Variants in ANKS1B observed in about 807,000 individuals in gnomAD.
ANKS1B encodes ankyrin repeat and sterile alpha motif domain-containing protein 1B.
ANKS1B carries 36 observed loss-of-function variants against 148.3 expected under a neutral mutation model. That is an observed-to-expected ratio of 0.24 (90% confidence interval 0.19 to 0.32). The LOEUF (loss-of-function observed/expected upper bound fraction) is 0.32. ANKS1B is among the 10% of genes least tolerant of loss of function. The pLI is 1.00. For synonymous variants in ANKS1B, 542 were observed against 560.8 expected (o/e 0.97, Z 0.47); for missense variants, 1,157 against 1,542.6 (o/e 0.75, Z 4.19).
chr12:98,919,752 C>T (rs1416232554), intron 17 of ANKS1B, among the ~76,000 whole-genome samples: 1 of 152,166 alleles, frequency 6.6e-6, no homozygotes, highest in Non-Finnish European at 1.5e-5. Context: ...CATAGGGTCC[C>T]TTTCCAAGTG....
intron 8 of ANKS1B, among the ~76,000 whole-genome samples, chr12:99,691,508 A>T (rs2098679183): frequency 6.6e-6 from 1 of 152,206 alleles, no homozygotes; most frequent in Admixed American, 6.5e-5. Flanking sequence ...AAAGTTCCAC[A>T]GATCTCTAGG....
chr12:99,913,651 G>A (rs915588882), intron 1 of ANKS1B, among the ~76,000 whole-genome samples: 7 of 152,150 alleles, frequency 4.6e-5, no homozygotes, highest in Admixed American at 6.5e-5. Flanking sequence ...ATAAAGGCCA[G>A]TCATCATCTT....
At chr12:99,932,954 G>T (rs997335837) in intron 1 of ANKS1B, among the ~76,000 whole-genome samples, 1 of 152,142 alleles carries the variant, frequency 6.6e-6, no homozygotes, top group Admixed American at 6.6e-5. Flanking sequence ...GCAAGAGATA[G>T]GGGTCCAGTT....
chr12:99,843,387 T>A (rs2153699301), intron 1 of ANKS1B, among the ~76,000 whole-genome samples: 1 of 152,170 alleles, frequency 6.6e-6, no homozygotes, highest in South Asian at 2.1e-4. Context: ...TTAGCTATTC[T>A]TCTTGATGCT....
intron 12 of ANKS1B, among the ~76,000 whole-genome samples, chr12:99,299,716 C>T (rs1214710898): frequency 6.6e-6 from 1 of 152,158 alleles, no homozygotes; most frequent in African/African-American, 2.4e-5. Flanking sequence ...TATCTATATG[C>T]ATACCCATAT....
At chr12:99,884,408 C>T (rs1248231601) in intron 1 of ANKS1B, among the ~76,000 whole-genome samples, 1 of 152,086 alleles carries the variant, frequency 6.6e-6, no homozygotes, top group Non-Finnish European at 1.5e-5. Flanking sequence ...TAGTTATTTG[C>T]CTAAAAGGAA....
chr12:99,541,386 T>C (rs931527124), intron 9 of ANKS1B, among the ~76,000 whole-genome samples: 1 of 152,156 alleles, frequency 6.6e-6, no homozygotes, highest in Admixed American at 6.6e-5. Context: ...TTCCACAAAA[T>C]GCTGGCAAAC....
At chr12:99,825,956 G>A (rs2083131038) in intron 1 of ANKS1B, among the ~76,000 whole-genome samples, 1 of 152,082 alleles carries the variant, frequency 6.6e-6, no homozygotes, top group Non-Finnish European at 1.5e-5. Context: ...CAATTTTGCA[G>A]TCATCATTGA....
intron 14 of ANKS1B, among the ~76,000 whole-genome samples, chr12:99,193,405 A>C (rs974267853): frequency 6.0e-5 from 9 of 150,984 alleles, no homozygotes; most frequent in Non-Finnish European, 1.3e-4. Flanking sequence ...GGTCCTGGTA[A>C]GTTCCTTCCA....
At chr12:99,861,574 G>T (rs960201861) in intron 1 of ANKS1B, among the ~76,000 whole-genome samples, 4 of 151,836 alleles carry the variant, frequency 2.6e-5, no homozygotes, top group Non-Finnish European at 5.9e-5. Context: ...GATTATATTT[G>T]GGAAAAGCTA....
At chr12:99,740,878 A>G (rs1472881372) in intron 8 of ANKS1B, among the ~76,000 whole-genome samples, 1 of 152,028 alleles carries the variant, frequency 6.6e-6, no homozygotes, top group African/African-American at 2.4e-5. Context: ...CAGATACTAC[A>G]CTTTTCCCAC....
chr12:99,418,171 C>T (rs10745854), intron 11 of ANKS1B, among the ~76,000 whole-genome samples: 63,836 of 151,908 alleles, frequency 0.42, 13,886 homozygotes, highest in African/African-American at 0.53. Context: ...TACAGAATCA[C>T]ATTCAGAATA....
intron 1 of ANKS1B, among the ~76,000 whole-genome samples, chr12:99,919,747 T>C (rs1370078388): frequency 1.5e-5 from 2 of 137,052 alleles, no homozygotes; most frequent in Non-Finnish European, 1.5e-5. Context: ...ACTTGAAATA[T>C]AGCTAGCCCA....
At chr12:99,178,994 A>G (rs1233556246) in intron 14 of ANKS1B, among the ~76,000 whole-genome samples, 2 of 152,348 alleles carry the variant, frequency 1.3e-5, no homozygotes, top group South Asian at 2.1e-4. Context: ...ATATAGAGAC[A>G]ATGTAGAAAA....
chr12:99,157,412 C>T (rs1221354631), intron 14 of ANKS1B, among the ~76,000 whole-genome samples: 1 of 152,176 alleles, frequency 6.6e-6, no homozygotes, highest in African/African-American at 2.4e-5. Flanking sequence ...CTCTTCAAAC[C>T]TGTTTCATCT....
chr12:98,779,820 T>C (rs2098716166), intron 24 of ANKS1B, among the ~76,000 whole-genome samples: 1 of 152,202 alleles, frequency 6.6e-6, no homozygotes, highest in Non-Finnish European at 1.5e-5. Context: ...TCTCCACAAT[T>C]ATTATCTGTC....
chr12:99,933,250 T>C (rs1418562135), intron 1 of ANKS1B, among the ~76,000 whole-genome samples: 1 of 152,198 alleles, frequency 6.6e-6, no homozygotes, highest in Non-Finnish European at 1.5e-5. Flanking sequence ...TTTGGGTCCT[T>C]TGTGGTTCCA....
chr12:99,960,165 T>C (rs1010923810), intron 1 of ANKS1B, among the ~76,000 whole-genome samples: 1 of 152,224 alleles, frequency 6.6e-6, no homozygotes, highest in Admixed American at 6.5e-5. Context: ...TTAGAAATAA[T>C]GTTTCAAAGA....
At position 98,738,290 on chromosome 12, in the gene ANKS1B, G is replaced by C. The variant is rs1021279417; in HGVS notation, c.691-2656C>G. 2.0e-5 allele frequency among the ~76,000 whole-genome samples: 3 copies of C among 152,222 alleles called. No individual in the cohort carries two copies. The South Asian group carries it at 6.2e-4, about 31-fold the overall frequency. Reference sequence around the variant, plus strand: ...ATTCATTTATGAGGTCAGGCCCCCAGAACTGGGAATGCTCCTTATCACATA... The same window carrying C: ...ATTCATTTATGAGGTCAGGCCCCCACAACTGGGAATGCTCCTTATCACATA... On this transcript the variant is annotated intron_variant, in intron 9 of 9. Coordinates refer to the ANKS1B transcript ENST00000341752.
Sources: allele counts gnomAD v4.1 joint callset (sites outside exome capture counted in the v4.1 genomes callset), GRCh38; gene constraint gnomAD v4.1.1; transcripts MANE v1.5; gene names NCBI Gene and HGNC (gene_info 2026-07-23, HGNC 2026-07-21).